The following SPTAN1 variants were observed in gnomAD, a reference collection of about 807,000 sequenced individuals.
SPTAN1 encodes spectrin alpha chain, non-erythrocytic 1.
A neutral mutation model predicts 331.3 loss-of-function variants in SPTAN1; 61 were observed. That is an observed-to-expected ratio of 0.18 (90% confidence interval 0.15 to 0.23). SPTAN1 has a LOEUF of 0.23. SPTAN1 is among the 10% of genes least tolerant of loss of function. The pLI is 1.00. For missense variants in SPTAN1, 2,043 were observed against 3,147.9 expected, an observed-to-expected ratio of 0.65 and a Z score of 8.40; for synonymous variants, 1,153 against 1,173.9, an observed-to-expected ratio of 0.98 and a Z score of 0.36.
intron 2 of SPTAN1, 43 bp from the exon 3 acceptor site, chr9:128,568,729 C>T (rs1850321959): frequency 1.2e-6 from 2 of 1,612,284 alleles, no homozygotes; most frequent in Middle Eastern, 1.8e-4. Context: ...AATGCTGATG[C>T]TGTGTGGTTG....
In SPTAN1 at chr9:128,627,966, C is replaced by T. The variant is rs747912590; in HGVS notation, c.6707+24C>T. 1.9e-6 allele frequency: 3 copies of T among 1,614,152 alleles called. No homozygotes were observed. Among genetic ancestry groups the T allele is most frequent in the East Asian group, 2.2e-5 (1 of 44,874 alleles). On this transcript the variant is annotated intron_variant, in intron 51 of 56. Transcript: ENST00000372739. The surrounding 1 kb of genome is among the most constrained non-coding windows in gnomAD (Gnocchi z 4.9). The stretch of plus-strand genomic sequence containing the variant: ...GGGTTAATATTGTTTTCTTCCTTCT[C>T]TGGGCTTGTCATGTGGGGGTCTCGT...
chr9:128,561,127 T>G (rs1329298447), intron 1 of SPTAN1, among the ~76,000 whole-genome samples: 5 of 151,704 alleles, frequency 3.3e-5, no homozygotes, highest in Admixed American at 3.3e-4. Flanking sequence ...CCCAGCACTT[T>G]GGGAGGCCGA....
intron 24 of SPTAN1, among the ~76,000 whole-genome samples, chr9:128,594,679 G>A (rs1442665401): frequency 5.3e-5 from 8 of 151,806 alleles, no homozygotes; most frequent in Admixed American, 2.6e-4. Flanking sequence ...TGATCCACCC[G>A]CCTCAGGCTC....
Position 128,602,221 on chromosome 9 carries a change from GTTT to G in SPTAN1, c.3580-1311_3580-1309del, listed in dbSNP as rs576224099. On this transcript the variant is annotated intron_variant, in intron 27 of 56. Coordinates refer to ENST00000372739, the MANE Select transcript of SPTAN1 (RefSeq NM_001130438.3). ...TTTTTGTTTTTTTTGGGTTTTTTTT[GTTT>G]TTTTTTTTTTGAGACAGAGTCTTGC... Among the ~76,000 whole-genome samples the G allele has an allele frequency of 2.3e-5, 3 of 130,830 alleles. No individual in the cohort carries two copies. In the Admixed American group the frequency reaches 2.3e-4, roughly 10 times the overall value. The allele number at this position is 130,830 out of a possible 152,430, so 85.8% of individuals were successfully genotyped here.
chr9:128,600,066 C>T lies in SPTAN1; in HGVS notation c.3544-14C>T. ...CAATTGCTTGGCTGCCTAAATTCCT[C>T]TTTCTTTGAATAGGATGAAACTGAT... On this transcript the variant is annotated splice_polypyrimidine_tract_variant and intron_variant, in intron 26 of 56. Transcript: ENST00000372739. 6.2e-7 allele frequency: 1 copy of T among 1,614,214 alleles called. No homozygotes were observed. The highest frequency in any genetic ancestry group is 8.5e-7 in the Non-Finnish European group (1 of 1,180,038).
rs1852363593 is a variant in SPTAN1, at chr9:128,584,734, T to C, written c.2451T>C (p.Ile817=). The C allele has an allele frequency of 6.2e-7, 1 of 1,614,080 alleles. No homozygotes were observed. The highest frequency in any genetic ancestry group is 1.3e-5 in the African/African-American group (1 of 74,908). ...GTCTGCTTTCAGGTAAGGATTTAAT[T>C]GGGGTCCAGAATCTGCTAAAGAAAC... ...AASTNRGKDL[I]GVQNLLKKHQ... is the part of the protein sequence containing the mutation. Residue 817 remains isoleucine, a synonymous_variant, in exon 18 of 57, where the codon ATT becomes ATC. Transcript: ENST00000372739.
In SPTAN1 at chr9:128,632,241, G is replaced by A. The variant is rs1475499020; in HGVS notation, c.6877G>A (p.Val2293Met). ...LDNKYTEHST[V>M]GLAQQWDQLD... ...CAACAAGTACACGGAGCACAGCACC[G>A]TGGGCCTCGCCCAGCAGTGGGACCA... Residue 2293 changes from valine to methionine, a missense_variant, in exon 53 of 57, where the codon GTG becomes ATG. Coordinates refer to ENST00000372739, the MANE Select transcript of SPTAN1 (RefSeq NM_001130438.3). 1 of 1,613,362 alleles carries A rather than the reference G, an allele frequency of 6.2e-7. No homozygotes were observed. The highest frequency in any genetic ancestry group is 1.3e-5 in the African/African-American group (1 of 74,930).
rs1345916517 is a variant in SPTAN1 at position 128,582,347 on chromosome 9, C to A, written c.1573-132C>A. ...TTATGAGAAAAAATGTCATCACCAA[C>A]CTTTGGGTGAAAACCTTGACCTATG... is the stretch of plus-strand genomic sequence containing the variant. On this transcript the variant is annotated intron_variant, in intron 12 of 56. Coordinates refer to ENST00000372739, the MANE Select transcript of SPTAN1 (RefSeq NM_001130438.3). The A allele has an allele frequency of 2.7e-5, 22 of 807,166 alleles. No individual in the cohort carries two copies. The Admixed American group carries it at 4.1e-4, about 15-fold the overall frequency. 50.0% of individuals were successfully genotyped at this position (807,166 alleles called of 1,614,324 possible).
intron 51 of SPTAN1, chr9:128,628,474 C>T (rs145157002): frequency 2.9e-4 from 93 of 323,704 alleles, no homozygotes; most frequent in Admixed American, 4.1e-4. Context: ...CAAGACTGTC[C>T]GCCCTAATAG....
Position 128,625,023 on chromosome 9 carries a change from TTGTC to T in SPTAN1, c.5993-77_5993-74del, listed in dbSNP as rs568196549. On this transcript the variant is annotated intron_variant, in intron 46 of 56. Transcript: ENST00000372739. The surrounding 1 kb of genome is among the most constrained non-coding windows in gnomAD (Gnocchi z 4.1). ...GATTTATCTGTACACAAAAAATGGT[TTGTC>T]TGGGTTTTGATGTTTTTCCTTTCTA... The T allele has an allele frequency of 1.5e-6, 2 of 1,365,572 alleles. No homozygotes were observed. Among genetic ancestry groups the T allele is most frequent in the South Asian group, 2.3e-5 (2 of 85,894 alleles). The allele number at this position is 1,365,572 out of a possible 1,614,324, so 84.6% of individuals were successfully genotyped here.
chr9:128,599,410 C>T, intron 26 of SPTAN1: 1 of 202,404 alleles, frequency 4.9e-6, no homozygotes, highest in East Asian at 1.3e-4. Flanking sequence ...GCTGGGATTA[C>T]AGACGTGAGC....
rs113357847 is a variant in SPTAN1 at position 128,578,256 on chromosome 9, C to G, written c.1221+11C>G. 102 of 1,613,784 alleles carry G rather than the reference C, an allele frequency of 6.3e-5. 1 individual carries two copies. The highest frequency in any genetic ancestry group is 8.5e-5 in the Non-Finnish European group (100 of 1,179,988). ...CACCAAGAGCACAAGGTAATGGTAT[C>G]TCTAGAATCTTCCAGAAGTGAAGAT... On this transcript the variant is annotated intron_variant, in intron 9 of 56. Coordinates refer to ENST00000372739, the MANE Select transcript of SPTAN1 (RefSeq NM_001130438.3).
chr9:128,607,718 C>G lies in SPTAN1; in HGVS notation c.4146+15C>G. 6.2e-7 allele frequency: 1 copy of G among 1,613,718 alleles called. No individual in the cohort carries two copies. The highest frequency in any genetic ancestry group is 8.5e-7 in the Non-Finnish European group (1 of 1,179,744). On this transcript the variant is annotated intron_variant, in intron 32 of 56. Transcript: ENST00000372739. ...AGCGACACCAGGTGGGTGGACCTGC[C>G]TGCTGAGTAGCAAAGACGTGGCTGC...
intron 18 of SPTAN1, among the ~76,000 whole-genome samples, chr9:128,585,153 T>G (rs1399729071): frequency 2.6e-5 from 4 of 152,042 alleles, no homozygotes; most frequent in Non-Finnish European, 5.9e-5. Flanking sequence ...TAGCTGGGAC[T>G]ACAGGGACAC....
rs192387303 is a variant in SPTAN1, at chr9:128,630,256, G to A, written c.6708-65G>A. The stretch of plus-strand genomic sequence containing the variant: ...CCAGGCATTGCTCTCTCTGAGAGAA[G>A]GTTCATTCTGAGCTCTCGGCCAGCT... On this transcript the variant is annotated intron_variant, in intron 51 of 56. Coordinates refer to ENST00000372739, the MANE Select transcript of SPTAN1 (RefSeq NM_001130438.3). 25 of 1,562,838 alleles carry A rather than the reference G, an allele frequency of 1.6e-5. No individual in the cohort carries two copies. In the East Asian group the frequency reaches 5.4e-4, roughly 34 times the overall value.
Position 128,632,937 on chromosome 9 carries a change from C to G in SPTAN1, c.7290C>G (p.Thr2430=). 1.2e-6 allele frequency: 2 copies of G among 1,612,858 alleles called. No individual in the cohort carries two copies. The highest frequency in any genetic ancestry group is 2.2e-5 in the South Asian group (2 of 91,084). The change falls in exon 56 of 57, where the codon ACC becomes ACG. Residue 2430 remains threonine (T), a synonymous_variant. Transcript: ENST00000372739. ...GCTCAGAGGGAAAGCCTTACGTGAC[C>G]AAGGAGGAGCTCTACCAGGTATGGG... ...ALSSEGKPYV[T]KEELYQNLTR...
At chr9:128,603,742 C>A in intron 28 of SPTAN1, 152 bp downstream of exon 28, 4 of 984,090 alleles carry the variant, frequency 4.1e-6, no homozygotes, top group Non-Finnish European at 6.5e-6. Flanking sequence ...TAAACATCAG[C>A]ACATTCATGG....
chr9:128,582,944 T>TC, intron 14 of SPTAN1, 95 bp downstream of exon 14: 1 of 1,591,814 alleles, frequency 6.3e-7, no homozygotes, highest in South Asian at 1.1e-5. Flanking sequence ...AATAAGGGAT[T>TC]CCAGAAACCC....
intron 21 of SPTAN1, 144 bp downstream of exon 21, chr9:128,589,087 G>A: frequency 8.4e-7 from 1 of 1,196,024 alleles, no homozygotes; most frequent in South Asian, 1.3e-5. Context: ...TCCCCCACGT[G>A]ACATACATTT....
Sources: allele counts gnomAD v4.1 joint callset (sites outside exome capture counted in the v4.1 genomes callset), GRCh38; gene constraint gnomAD v4.1.1; non-coding constraint Gnocchi (gnomAD v3.1); transcripts MANE v1.5; gene names NCBI Gene and HGNC (gene_info 2026-07-23, HGNC 2026-07-21).